The following ARMH4 variants were observed in gnomAD, a reference collection of about 807,000 sequenced individuals.
ARMH4 encodes the protein armadillo like helical domain containing 4, also known as armadillo-like helical domain-containing protein 4.
Under a neutral mutation model 61.9 loss-of-function variants are expected in ARMH4, and 49 were observed. The ratio of observed to expected loss-of-function variants is 0.79; its 90% CI spans 0.63 to 1.00. The LOEUF is 1.00. ARMH4 is among the 50% of genes least tolerant of loss of function. ARMH4 has a pLI of 0.00. For synonymous variants in ARMH4, 368 were observed against 341.5 expected, an observed-to-expected ratio of 1.08 and a Z score of -0.85; for missense variants, 934 against 930.0, an observed-to-expected ratio of 1.00 and a Z score of -0.06.
intron 5 of ARMH4, among the ~76,000 whole-genome samples, chr14:58,059,689 T>C (rs1366168555): frequency 6.6e-6 from 1 of 152,220 alleles, no homozygotes; most frequent in Non-Finnish European, 1.5e-5. Context: ...AGTAATTCTC[T>C]CTTTGTATGG....
intron 6 of ARMH4, among the ~76,000 whole-genome samples, chr14:58,007,641 GCTC>G (rs1882228518): frequency 6.6e-6 from 1 of 152,172 alleles, no homozygotes; most frequent in South Asian, 2.1e-4. Flanking sequence ...GGGAAAATAA[GCTC>G]CTCTGTTAGA....
At chr14:58,132,402 C>A (rs1049615969) in intron 3 of ARMH4, among the ~76,000 whole-genome samples, 1 of 152,020 alleles carries the variant, frequency 6.6e-6, no homozygotes, top group East Asian at 1.9e-4. Context: ...CTTGAGGCTA[C>A]AATATTAGTG....
chr14:58,072,640 T>C (rs149622194), intron 5 of ARMH4, among the ~76,000 whole-genome samples: 4,551 of 152,042 alleles, frequency 0.03, 87 homozygotes, highest in Middle Eastern at 0.078. Flanking sequence ...GAGAATTGCT[T>C]GAACCCAGGA....
At chr14:58,023,224 G>T (rs12050112) in intron 5 of ARMH4, among the ~76,000 whole-genome samples, 1,721 of 152,254 alleles carry the variant, frequency 0.011, 32 homozygotes, top group East Asian at 0.081. Context: ...CTGTTTGAGA[G>T]CATTTTACCC....
At chr14:58,147,391 A>G (rs1463087367) in intron 1 of ARMH4, among the ~76,000 whole-genome samples, 3 of 149,580 alleles carry the variant, frequency 2.0e-5, no homozygotes, top group African/African-American at 4.9e-5. Flanking sequence ...CTCAGCTCAC[A>G]GCAACCTCCT....
At chr14:58,010,390 A>T (rs1440821131) in intron 6 of ARMH4, among the ~76,000 whole-genome samples, 1 of 152,164 alleles carries the variant, frequency 6.6e-6, no homozygotes, top group East Asian at 1.9e-4. Flanking sequence ...TCAAATTAGC[A>T]TGTAATCGTT....
intron 5 of ARMH4, among the ~76,000 whole-genome samples, chr14:58,031,231 G>T (rs540384518): frequency 6.6e-6 from 1 of 152,118 alleles, no homozygotes; most frequent in Non-Finnish European, 1.5e-5. Flanking sequence ...TCTGAGCATC[G>T]ATTAGACACT....
intron 5 of ARMH4, among the ~76,000 whole-genome samples, chr14:58,067,655 G>C (rs532397943): frequency 6.6e-6 from 1 of 152,244 alleles, no homozygotes; most frequent in South Asian, 2.1e-4. Context: ...TTGTTCCTGG[G>C]TGTAAAGCCA....
intron 5 of ARMH4, among the ~76,000 whole-genome samples, chr14:58,059,767 T>C (rs1350164442): frequency 2.0e-5 from 3 of 152,226 alleles, no homozygotes; most frequent in South Asian, 2.1e-4. Context: ...TATTAATGCA[T>C]AGGAAAAATT....
intron 5 of ARMH4, among the ~76,000 whole-genome samples, chr14:58,063,862 T>C (rs982759975): frequency 3.9e-5 from 6 of 152,178 alleles, no homozygotes; most frequent in Non-Finnish European, 2.9e-5. Flanking sequence ...TCCACCTGGC[T>C]GGAATTTGGT....
intron 6 of ARMH4, among the ~76,000 whole-genome samples, chr14:58,010,520 A>AT (rs1566538245): frequency 6.6e-6 from 1 of 152,096 alleles, no homozygotes; most frequent in Non-Finnish European, 1.5e-5. Context: ...TCTTCTTACA[A>AT]TTTTTTTAAT....
At chr14:58,069,006 GAA>G (rs11352260) in intron 5 of ARMH4, among the ~76,000 whole-genome samples, 155 of 118,954 alleles carry the variant, frequency 1.3e-3, no homozygotes, top group Middle Eastern at 4.3e-3. Context: ...ACTCTGTCTC[GAA>G]AAAAAAAAAA....
chr14:58,027,636 CTG>C (rs34624198), intron 5 of ARMH4, among the ~76,000 whole-genome samples: 24,728 of 151,380 alleles, frequency 0.16, 2,646 homozygotes, highest in East Asian at 0.48. Context: ...ACACAGTTAC[CTG>C]TGTGTGTGTG....
chr14:58,029,461 T>C (rs1038433468), intron 5 of ARMH4, among the ~76,000 whole-genome samples: 2 of 152,130 alleles, frequency 1.3e-5, no homozygotes, highest in African/African-American at 4.8e-5. Context: ...CTCGAACTCC[T>C]GACCTCAGGT....
chr14:58,058,813 G>A (rs1884431227), intron 5 of ARMH4, among the ~76,000 whole-genome samples: 2 of 152,148 alleles, frequency 1.3e-5, no homozygotes, highest in East Asian at 1.9e-4. Flanking sequence ...TCAGTTGATT[G>A]AATTCACAGA....
chr14:58,065,631 T>C (rs1289541986), intron 5 of ARMH4, among the ~76,000 whole-genome samples: 2 of 152,260 alleles, frequency 1.3e-5, no homozygotes, highest in East Asian at 3.8e-4. Context: ...TACACAGCAA[T>C]GTGGCTCCAT....
chr14:58,063,961 A>C (rs1322106649), intron 5 of ARMH4, among the ~76,000 whole-genome samples: 2 of 152,238 alleles, frequency 1.3e-5, no homozygotes, highest in African/African-American at 2.4e-5. Context: ...GAAAGGAAGT[A>C]GCTTGGAAAC....
At chr14:58,008,957 G>A (rs17094200) in intron 6 of ARMH4, among the ~76,000 whole-genome samples, 36,684 of 152,122 alleles carry the variant, frequency 0.24, 4,862 homozygotes, top group East Asian at 0.56. Flanking sequence ...TTGAAAATCA[G>A]TTTAGATGCT....
At chr14:58,134,570 A>T (rs748794005) in intron 2 of ARMH4, among the ~76,000 whole-genome samples, 7 of 152,170 alleles carry the variant, frequency 4.6e-5, no homozygotes, top group Non-Finnish European at 8.8e-5. Flanking sequence ...TTAAAATATT[A>T]GTTCTAGATA....
Sources: gnomAD v4.1 joint callset for allele counts (sites outside exome capture counted in the v4.1 genomes callset) on GRCh38, gnomAD v4.1.1 for gene constraint, MANE v1.5 for transcripts, NCBI Gene and HGNC (gene_info 2026-07-23, HGNC 2026-07-21) for gene names.